The following PBRM1 variants were observed in gnomAD, a reference collection of about 807,000 sequenced individuals.
PBRM1 encodes the protein polybromo 1, also known as protein polybromo-1.
PBRM1 carries 27 observed loss-of-function variants against 194.5 expected under a neutral mutation model. That is an observed-to-expected ratio of 0.14 (90% CI 0.10 to 0.19). The LOEUF is 0.19. Ranked by LOEUF, PBRM1 falls within the 10% of genes least tolerant of loss-of-function variation. The probability of loss-of-function intolerance (pLI) is 1.00; values close to 1 mark genes in which losing one functional copy is unlikely to be tolerated. For missense variants in PBRM1, 1,466 were observed against 2,077.2 expected (o/e 0.71, Z 5.72); for synonymous variants, 655 against 693.2 (o/e 0.94, Z 0.87).
intron 2 of PBRM1, among the ~76,000 whole-genome samples, chr3:52,669,248 A>C (rs1344066823): frequency 6.6e-6 from 1 of 151,072 alleles, no homozygotes; most frequent in Admixed American, 6.7e-5. Context: ...GAAAAAAAAA[A>C]CCATGGGACT....
chr3:52,565,165 C>T (rs1258655313), intron 22 of PBRM1, among the ~76,000 whole-genome samples: 2 of 151,660 alleles, frequency 1.3e-5, no homozygotes, highest in African/African-American at 4.9e-5. Flanking sequence ...CGCCACTGCA[C>T]TCCAGCCTGA....
In PBRM1 at chr3:52,567,067, C is replaced by CAA. The variant is rs936466298; in HGVS notation, c.3692-2836_3692-2835dup. 7.3e-3 allele frequency among the ~76,000 whole-genome samples: 435 copies of CAA among 59,880 alleles called. 4 individuals are homozygous for CAA. The highest frequency in any genetic ancestry group is 0.037 in the South Asian group (67 of 1,806). 39.3% of individuals were successfully genotyped at this position (59,880 alleles called of 152,430 possible). A position where few individuals can be genotyped will look rare whatever the true frequency, so the allele number is the denominator to read the frequency against. On this transcript the variant is annotated intron_variant, in intron 22 of 29. Coordinates refer to ENST00000296302, the Ensembl canonical transcript of PBRM1. Reference sequence around the variant, plus strand: ...TGGGTGACAGAGAAAGACTCCATCTCAAAAAAAAAAAAAAAAAAGGTTAAA... The same window carrying CAA: ...TGGGTGACAGAGAAAGACTCCATCTCAAAAAAAAAAAAAAAAAAAAGGTTAAA...
intron 7 of PBRM1, 26 bp downstream of exon 8, chr3:52,648,318 A>G (rs1256603232): frequency 2.3e-5 from 31 of 1,335,162 alleles, no homozygotes; most frequent in African/African-American, 4.4e-5. Flanking sequence ...AAGGAAAACA[A>G]CAACAACAAC....
At chr3:52,550,922 C>T (rs1001588146) in intron 27 of PBRM1, 105 bp from the exon 30 acceptor site, 5 of 697,960 alleles carry the variant, frequency 7.2e-6, no homozygotes, top group Non-Finnish European at 1.2e-5. Context: ...AACCTATGTA[C>T]CTCTGCCCTT....
At chr3:52,570,780 A>G (rs764720689) in intron 22 of PBRM1, among the ~76,000 whole-genome samples, 1 of 152,196 alleles carries the variant, frequency 6.6e-6, no homozygotes, top group African/African-American at 2.4e-5. Context: ...AATATGATGG[A>G]TAACTTTCAT....
chr3:52,672,491 CTTTTTTTTTT>C (rs34792299), intron 2 of PBRM1, among the ~76,000 whole-genome samples: 3 of 103,860 alleles, frequency 2.9e-5, no homozygotes, highest in Non-Finnish European at 3.9e-5. Context: ...TTTTTTTTGG[CTTTTTTTTTT>C]TTTTTTTTTT....
At chr3:52,605,278 C>A (rs1033117066) in intron 16 of PBRM1, among the ~76,000 whole-genome samples, 2 of 151,804 alleles carry the variant, frequency 1.3e-5, no homozygotes, top group African/African-American at 4.8e-5. Context: ...GAACTCCTGG[C>A]CTCGAGTGAT....
At chr3:52,618,729 G>C (rs1161486678) in intron 13 of PBRM1, among the ~76,000 whole-genome samples, 1 of 151,476 alleles carries the variant, frequency 6.6e-6, no homozygotes, top group Non-Finnish European at 1.5e-5. Context: ...CAAGTAGCTG[G>C]GATTACAGGC....
At chr3:52,580,525 A>AT (rs376107891) in intron 20 of PBRM1, among the ~76,000 whole-genome samples, 39 of 149,306 alleles carry the variant, frequency 2.6e-4, no homozygotes, top group Admixed American at 1.4e-3. Context: ...TGCCCAGCTA[A>AT]TTTTTTTTTT....
At chr3:52,610,386 A>G (rs2094546785) in intron 15 of PBRM1, among the ~76,000 whole-genome samples, 1 of 152,244 alleles carries the variant, frequency 6.6e-6, no homozygotes, top group Non-Finnish European at 1.5e-5. Flanking sequence ...ATATAAACAT[A>G]CAAACAAACA....
intron 2 of PBRM1, among the ~76,000 whole-genome samples, chr3:52,676,677 G>C (rs2097112053): frequency 6.6e-6 from 1 of 152,174 alleles, no homozygotes; most frequent in African/African-American, 2.4e-5. Context: ...AGCGACTTTG[G>C]AACTGGATAA....
intron 10 of PBRM1, among the ~76,000 whole-genome samples, chr3:52,638,694 G>A (rs2095928634): frequency 6.6e-6 from 1 of 151,710 alleles, no homozygotes; most frequent in African/African-American, 2.4e-5. Flanking sequence ...CCTGGGCTCA[G>A]GCAATCCTCC....
intron 5 of PBRM1, among the ~76,000 whole-genome samples, chr3:52,653,326 G>A (rs1486723217): frequency 2.6e-5 from 4 of 151,506 alleles, no homozygotes; most frequent in South Asian, 4.2e-4. Context: ...ATGGTGGCTC[G>A]CGCCTGTAAT....
Position 52,628,883 on chromosome 3 carries a change from A to C in PBRM1, c.1443+11T>G. 6.2e-7 allele frequency: 1 copy of C among 1,613,134 alleles called. No homozygotes were observed. The highest frequency in any genetic ancestry group is 2.2e-5 in the East Asian group (1 of 44,860). ...ATATACAACAAACTCAGCAAAAACA[A>C]TAAATCACACCTGCATAACTTGCTG... On this transcript the variant is annotated intron_variant, in intron 12 of 29. Transcript: ENST00000296302.
Position 52,617,141 on chromosome 3 carries a change from C to G in PBRM1, c.1818+121G>C. 2.9e-6 allele frequency: 2 copies of G among 698,342 alleles called. 1 individual carries two copies. 43.3% of individuals were successfully genotyped at this position (698,342 alleles called of 1,614,324 possible). On this transcript the variant is annotated intron_variant, in intron 14 of 29. Coordinates refer to ENST00000296302, the Ensembl canonical transcript of PBRM1. ...AAACAATGAAGAAAAATCAATTAAC[C>G]TAGTCACCAAAAAGAATAATCTAAG...
At chr3:52,580,033 G>A (rs1215766647) in intron 20 of PBRM1, among the ~76,000 whole-genome samples, 1 of 151,982 alleles carries the variant, frequency 6.6e-6, no homozygotes, top group Admixed American at 6.5e-5. Flanking sequence ...CTTGAGCCAG[G>A]AGTTCAAGAC....
intron 13 of PBRM1, among the ~76,000 whole-genome samples, chr3:52,624,008 G>A (rs1342347742): frequency 1.3e-5 from 2 of 152,180 alleles, no homozygotes; most frequent in Non-Finnish European, 2.9e-5. Flanking sequence ...CAATTTTACT[G>A]AGTGGAATAC....
At chr3:52,653,964 A>G (rs2096560770) in intron 5 of PBRM1, among the ~76,000 whole-genome samples, 2 of 152,240 alleles carry the variant, frequency 1.3e-5, no homozygotes, top group Non-Finnish European at 2.9e-5. Context: ...ATCAAATACT[A>G]GGTCATCCCA....
chr3:52,653,908 G>GA (rs1324491461), intron 5 of PBRM1, among the ~76,000 whole-genome samples: 4 of 152,000 alleles, frequency 2.6e-5, no homozygotes, highest in African/African-American at 7.2e-5. Flanking sequence ...AGACTGTCTT[G>GA]AAAAAAGAAA....
Sources: gnomAD v4.1 joint callset for allele counts (sites outside exome capture counted in the v4.1 genomes callset) on GRCh38, gnomAD v4.1.1 for gene constraint, MANE v1.5 for transcripts, NCBI Gene and HGNC (gene_info 2026-07-23, HGNC 2026-07-21) for gene names.